Variants in DAB1 observed in about 807,000 individuals in gnomAD.
DAB1 encodes the protein disabled homolog 1.
Under a neutral mutation model 64.6 loss-of-function variants are expected in DAB1, and 15 were observed. The ratio of observed to expected loss-of-function variants is 0.23; its 90% CI spans 0.16 to 0.36. The LOEUF (loss-of-function observed/expected upper bound fraction) is 0.36. Among genes scored for constraint, DAB1 ranks in the 10% least tolerant of loss-of-function variants. The pLI, the probability that DAB1 is intolerant of heterozygous loss-of-function variation, is 1.00. For missense variants in DAB1, 596 were observed against 706.7 expected (o/e 0.84, Z 1.78); for synonymous variants, 235 against 251.9 (o/e 0.93, Z 0.64).
chr1:58,419,137 A>G (rs1193061832), intron 3 of DAB1, among the ~76,000 whole-genome samples: 1 of 152,172 alleles, frequency 6.6e-6, no homozygotes, highest in Admixed American at 6.5e-5. Flanking sequence ...CTCAGCTTCC[A>G]GCCCCATGTT....
At chr1:57,752,272 A>G (rs1208595580) in intron 6 of DAB1, among the ~76,000 whole-genome samples, 1 of 152,182 alleles carries the variant, frequency 6.6e-6, no homozygotes, top group Admixed American at 6.5e-5. Flanking sequence ...TGGGCAACCC[A>G]AGGGGTTTGA....
chr1:57,993,195 T>C (rs1231329131), intron 5 of DAB1, among the ~76,000 whole-genome samples: 8 of 152,260 alleles, frequency 5.3e-5, no homozygotes, highest in Non-Finnish European at 1.0e-4. Context: ...TGGTATTCTT[T>C]GCTAGGGTCA....
intron 7 of DAB1, among the ~76,000 whole-genome samples, chr1:57,482,477 T>TAAAAAAAAAAA (rs918167439): frequency 3.3e-5 from 2 of 61,200 alleles, no homozygotes; most frequent in African/African-American, 5.4e-5. Context: ...CTGAAAGTTG[T>TAAAAAAAAAAA]AAAAAAAAAA....
rs75342901 is a variant in DAB1, at chr1:57,858,160, C to A, written n.87+25839G>T. ...GTGTCAAGATCTACCACTGTCTCAC[C>A]CATTCGATTCTAGTTGACAATTATG... On this transcript the variant is annotated intron_variant and non_coding_transcript_variant, in intron 1 of 1. Transcript: ENST00000477280. 7.3e-3 allele frequency among the ~76,000 whole-genome samples: 1,118 copies of A among 152,236 alleles called. 12 individuals carry two copies. The highest frequency in any genetic ancestry group is 0.026 in the African/African-American group (1,080 of 41,530).
At chr1:57,528,146 G>T (rs891765538) in intron 7 of DAB1, among the ~76,000 whole-genome samples, 1 of 152,012 alleles carries the variant, frequency 6.6e-6, no homozygotes, top group Non-Finnish European at 1.5e-5. Flanking sequence ...AATCAGCAAA[G>T]AAATGGGGAA....
intron 1 of DAB1, among the ~76,000 whole-genome samples, chr1:57,370,294 TAAG>T (rs1187208628): frequency 1.3e-5 from 2 of 152,104 alleles, no homozygotes; most frequent in Non-Finnish European, 2.9e-5. Context: ...AATAAGATAA[TAAG>T]AAAGTTGCAT....
chr1:57,136,526 G>A lies in DAB1; in HGVS notation c.306+17C>T, dbSNP rs754850687. On this transcript the variant is annotated intron_variant, in intron 4 of 14. Transcript: ENST00000371236. ...AATGGATAAAATTTCACAATGCCAT[G>A]TGATTGCTTTACTTACCCCTGTCTT... 4 of 1,409,656 alleles carry A rather than the reference G, an allele frequency of 2.8e-6. No homozygotes were observed. Among genetic ancestry groups the A allele is most frequent in the Middle Eastern group, 1.9e-4 (1 of 5,298 alleles). 87.3% of individuals were successfully genotyped at this position (1,409,656 alleles called of 1,614,324 possible). A position where few individuals can be genotyped will look rare whatever the true frequency, so the allele number is the denominator to read the frequency against.
intron 6 of DAB1, among the ~76,000 whole-genome samples, chr1:57,755,486 T>C (rs1315977180): frequency 6.6e-6 from 1 of 152,216 alleles, no homozygotes; most frequent in Non-Finnish European, 1.5e-5. Context: ...CGATCCCACA[T>C]GAATGAAATT....
intron 5 of DAB1, among the ~76,000 whole-genome samples, chr1:58,098,240 G>A (rs961610001): frequency 5.9e-5 from 9 of 152,122 alleles, no homozygotes; most frequent in African/African-American, 1.9e-4. Flanking sequence ...TGGGTAACAC[G>A]AAGGGAGTTT....
At chr1:57,363,781 A>G (rs1220285042) in intron 1 of DAB1, among the ~76,000 whole-genome samples, 1 of 152,152 alleles carries the variant, frequency 6.6e-6, no homozygotes, top group Non-Finnish European at 1.5e-5. Context: ...AAACCAGGAC[A>G]TCTAGAAATA....
rs566324360 is a variant in DAB1, at chr1:57,784,507, CA to C, written n.551+99491del. Among the ~76,000 whole-genome samples the C allele has an allele frequency of 1.4e-4, 22 of 152,226 alleles. No homozygotes were observed. In the East Asian group the frequency reaches 4.1e-3, roughly 28 times the overall value. On this transcript the variant is annotated intron_variant and non_coding_transcript_variant, in intron 6 of 20. Transcript: ENST00000485760. ...AAATTAAAAGTGCTACTCCAGTGAACACGTGAATAAGGAAGTGAAACAGCCT... is the reference window on the plus strand; with the variant it reads ...AAATTAAAAGTGCTACTCCAGTGAACCGTGAATAAGGAAGTGAAACAGCCT...
intron 7 of DAB1, among the ~76,000 whole-genome samples, chr1:57,538,056 C>A (rs1644751747): frequency 6.6e-6 from 1 of 152,144 alleles, no homozygotes; most frequent in African/African-American, 2.4e-5. Context: ...CCCCAGTGAC[C>A]TAAACACCTC....
chr1:58,465,538 C>T (rs1431639138), intron 3 of DAB1, among the ~76,000 whole-genome samples: 1 of 152,152 alleles, frequency 6.6e-6, no homozygotes, highest in Non-Finnish European at 1.5e-5. Context: ...CCAAACCAAG[C>T]CTCAGGGTAA....
At chr1:57,220,699 G>A (rs1189649297) in intron 2 of DAB1, among the ~76,000 whole-genome samples, 4 of 152,176 alleles carry the variant, frequency 2.6e-5, no homozygotes, top group Admixed American at 2.6e-4. Flanking sequence ...AAACCACAAT[G>A]AGATACCATC....
intron 14 of DAB1, among the ~76,000 whole-genome samples, chr1:57,004,890 G>C (rs1406233647): frequency 7.0e-6 from 1 of 143,200 alleles, no homozygotes; most frequent in East Asian, 2.3e-4. Context: ...AAAGTGGAGG[G>C]AATAACATCT....
At chr1:58,242,122 C>A (rs1317254101) in intron 4 of DAB1, among the ~76,000 whole-genome samples, 1 of 152,030 alleles carries the variant, frequency 6.6e-6, no homozygotes, top group Non-Finnish European at 1.5e-5. Flanking sequence ...CCATTAAAAA[C>A]TATACAACCA....
chr1:57,871,805 G>A (rs535300715), intron 1 of DAB1, among the ~76,000 whole-genome samples: 1 of 152,154 alleles, frequency 6.6e-6, no homozygotes, highest in Non-Finnish European at 1.5e-5. Flanking sequence ...TTACATAACT[G>A]AGTGTATACA....
chr1:58,228,759 T>C, intron 4 of DAB1: 1 of 912,858 alleles, frequency 1.1e-6, no homozygotes. Flanking sequence ...GTTGATGGCA[T>C]AGGTGGTTAT....
Position 57,233,255 on chromosome 1 carries a change from C to CTTTTTTTTTTTTTTTTTT in DAB1, c.67+57691_67+57708dup, listed in dbSNP as rs1186221366. Among the ~76,000 whole-genome samples the CTTTTTTTTTTTTTTTTTT allele has an allele frequency of 4.9e-5, 3 of 60,808 alleles. 1 individual carries two copies. The highest frequency in any genetic ancestry group is 8.4e-5 in the Non-Finnish European group (3 of 35,516). The allele number at this position is 60,808 out of a possible 152,430, so 39.9% of individuals were successfully genotyped here. The stretch of plus-strand genomic sequence containing the variant: ...TGCAGCTTCAAGCTTTGCTCCGATT[C>CTTTTTTTTTTTTTTTTTT]TTTTTTTTTTTTTTTTTTTTTTTTT... On this transcript the variant is annotated intron_variant, in intron 2 of 14. Transcript: ENST00000371236.
Sources: allele counts gnomAD v4.1 joint callset (sites outside exome capture counted in the v4.1 genomes callset), GRCh38; gene constraint gnomAD v4.1.1; transcripts MANE v1.5; gene names NCBI Gene and HGNC (gene_info 2026-07-23, HGNC 2026-07-21).